SLC24A2: variants seen among roughly 807,000 people sequenced by gnomAD.
The protein encoded by SLC24A2 is solute carrier family 24 member 2.
In SLC24A2, 36 loss-of-function variants were observed where a neutral mutation model predicts 62.0. That is an observed-to-expected ratio of 0.58 (90% CI 0.44 to 0.77). The LOEUF is 0.77. Among genes scored for constraint, SLC24A2 ranks in the 30% least tolerant of loss-of-function variants. The pLI, the probability that SLC24A2 is intolerant of heterozygous loss-of-function variation, is 0.00. For synonymous variants in SLC24A2, 358 were observed against 294.0 expected (o/e 1.22, Z -2.23); for missense variants, 846 against 817.9 (o/e 1.03, Z -0.42).
chr9:19,738,226 AG>A (rs1821566959), intron 2 of SLC24A2, among the ~76,000 whole-genome samples: 1 of 152,158 alleles, frequency 6.6e-6, no homozygotes, highest in Admixed American at 6.6e-5. Flanking sequence ...TTCATGGAAA[AG>A]CAGTGTTTGT....
At chr9:19,908,437 T>C in the SLC24A2 span, among the ~76,000 whole-genome samples, 3 of 152,090 alleles carry the variant, frequency 2.0e-5, no homozygotes, top group African/African-American at 4.8e-5. Flanking sequence ...AAGGACTTCA[T>C]GTCTAAAACA....
chr9:19,932,647 C>T, the SLC24A2 span, among the ~76,000 whole-genome samples: 1 of 152,214 alleles, frequency 6.6e-6, no homozygotes, highest in Non-Finnish European at 1.5e-5. Context: ...GAACTCAGAA[C>T]TTCTGACTTC....
chr9:20,103,507 G>C, the SLC24A2 span, among the ~76,000 whole-genome samples: 7 of 152,182 alleles, frequency 4.6e-5, no homozygotes, highest in Non-Finnish European at 8.8e-5. Context: ...AAAACTTCCA[G>C]AGGAACGAGC....
chr9:19,705,783 C>T (rs1820496664), intron 2 of SLC24A2: 1 of 153,402 alleles, frequency 6.5e-6, no homozygotes, highest in African/African-American at 2.4e-5. Context: ...TTTGATTGCC[C>T]TGTGGTCTGA....
Position 19,550,209 on chromosome 9 carries a change from C to T in SLC24A2, c.1407G>A (p.Lys469=). ...GGAAAACAATCAGAAACGTGACTTG[C>T]TTGCGGGTTTCAGAAGGCCAGGCAA... ...LSLAWPSETR[K]QVTFLIVFPI... is the part of the protein sequence containing the mutation. Residue 469 remains lysine, a synonymous_variant, in exon 8 of 11, where the codon AAG becomes AAA. Coordinates refer to ENST00000341998, the MANE Select transcript of SLC24A2 (RefSeq NM_020344.4). The T allele has an allele frequency of 6.2e-7, 1 of 1,614,124 alleles. No individual in the cohort carries two copies. The highest frequency in any genetic ancestry group is 8.5e-7 in the Non-Finnish European group (1 of 1,179,986).
At chr9:20,004,134 C>T in the SLC24A2 span, among the ~76,000 whole-genome samples, 1 of 152,290 alleles carries the variant, frequency 6.6e-6, no homozygotes, top group South Asian at 2.1e-4. Flanking sequence ...GACACAGACC[C>T]CTTCTAATGA....
chr9:19,846,275 A>G, the SLC24A2 span, among the ~76,000 whole-genome samples: 1 of 152,160 alleles, frequency 6.6e-6, no homozygotes, highest in Non-Finnish European at 1.5e-5. Context: ...CAAGTATGCC[A>G]ATGTTGGGTG....
chr9:20,094,199 C>A, the SLC24A2 span, among the ~76,000 whole-genome samples: 2 of 152,168 alleles, frequency 1.3e-5, no homozygotes, highest in African/African-American at 2.4e-5. Flanking sequence ...TCATAAGGCA[C>A]TTCTGCATCA....
At chr9:19,898,741 CAAAAAAAAAAA>C in the SLC24A2 span, among the ~76,000 whole-genome samples, 1 of 97,276 alleles carries the variant, frequency 1.0e-5, no homozygotes. Context: ...GACTCCATCT[CAAAAAAAAAAA>C]AAAAAAAAAA....
At chr9:19,950,997 C>G in the SLC24A2 span, among the ~76,000 whole-genome samples, 1 of 152,090 alleles carries the variant, frequency 6.6e-6, no homozygotes, top group Non-Finnish European at 1.5e-5. Context: ...AAGGTTCTAC[C>G]AACTGTAGAG....
chr9:19,665,013 G>A (rs1450239648), intron 2 of SLC24A2, among the ~76,000 whole-genome samples: 4 of 152,202 alleles, frequency 2.6e-5, no homozygotes, highest in Non-Finnish European at 5.9e-5. Flanking sequence ...GTAACACCAG[G>A]TTTGCTGATT....
chr9:19,861,767 T>C, the SLC24A2 span, among the ~76,000 whole-genome samples: 1,356 of 152,072 alleles, frequency 8.9e-3, 27 homozygotes, highest in African/African-American at 0.031. Flanking sequence ...AAACAGAAAT[T>C]CTGGAGTTGA....
chr9:19,779,486 T>A (rs1425246976), intron 2 of SLC24A2, among the ~76,000 whole-genome samples: 1 of 152,238 alleles, frequency 6.6e-6, no homozygotes, highest in Non-Finnish European at 1.5e-5. Context: ...AATTTTCTAC[T>A]CACTACTTTT....
At chr9:20,238,876 AGAAGAG>A in the SLC24A2 span, among the ~76,000 whole-genome samples, 11 of 152,212 alleles carry the variant, frequency 7.2e-5, no homozygotes, top group Non-Finnish European at 1.5e-4. Flanking sequence ...TGGCCTTATA[AGAAGAG>A]GAAAAGAGAG....
chr9:20,135,360 T>G, the SLC24A2 span, among the ~76,000 whole-genome samples: 20 of 118,474 alleles, frequency 1.7e-4, no homozygotes, highest in Middle Eastern at 4.0e-3. Flanking sequence ...CAATTTAAAA[T>G]TTTAATTTTT....
At chr9:19,556,982 C>A (rs1835123079) in intron 7 of SLC24A2, among the ~76,000 whole-genome samples, 1 of 152,090 alleles carries the variant, frequency 6.6e-6, no homozygotes, top group Non-Finnish European at 1.5e-5. Flanking sequence ...GAGCTTTAGG[C>A]CCCAAGAAAA....
intron 2 of SLC24A2, among the ~76,000 whole-genome samples, chr9:19,682,616 C>T (rs1435974522): frequency 6.6e-6 from 1 of 152,072 alleles, no homozygotes; most frequent in East Asian, 1.9e-4. Flanking sequence ...TATAGTGTGA[C>T]ACAGCAATAA....
the SLC24A2 span, among the ~76,000 whole-genome samples, chr9:19,935,712 C>G: frequency 3.9e-5 from 6 of 152,146 alleles, no homozygotes; most frequent in Non-Finnish European, 4.4e-5. Context: ...GTCAGGAATG[C>G]TCTTCTGCCA....
At chr9:19,589,510 G>A (rs192878681) in intron 5 of SLC24A2, among the ~76,000 whole-genome samples, 1 of 152,178 alleles carries the variant, frequency 6.6e-6, no homozygotes, top group African/African-American at 2.4e-5. Context: ...ACAAAAAATA[G>A]TTAAAATTAA....
Sources: allele counts gnomAD v4.1 joint callset (sites outside exome capture counted in the v4.1 genomes callset), GRCh38; gene constraint gnomAD v4.1.1; transcripts MANE v1.5; gene names NCBI Gene and HGNC (gene_info 2026-07-23, HGNC 2026-07-21).